The following CLSTN2 variants were observed in gnomAD, a reference collection of about 807,000 sequenced individuals.
CLSTN2 encodes calsyntenin-2.
In CLSTN2, 48 loss-of-function variants were observed where a neutral mutation model predicts 101.2. The ratio of observed to expected loss-of-function variants is 0.47; its 90% CI spans 0.38 to 0.60. The LOEUF is 0.60. CLSTN2 is among the 20% of genes least tolerant of loss of function. The pLI, the probability that CLSTN2 is intolerant of heterozygous loss-of-function variation, is 0.00. For synonymous variants in CLSTN2, 481 were observed against 463.6 expected, an observed-to-expected ratio of 1.04 and a Z score of -0.48; for missense variants, 1,160 against 1,238.2, an observed-to-expected ratio of 0.94 and a Z score of 0.95.
At chr3:140,347,954 G>A (rs1249261528) in intron 2 of CLSTN2, among the ~76,000 whole-genome samples, 1 of 152,208 alleles carries the variant, frequency 6.6e-6, no homozygotes, top group Non-Finnish European at 1.5e-5. Context: ...GGCTAAGCAG[G>A]AAGGATGCTC....
intron 5 of CLSTN2, among the ~76,000 whole-genome samples, chr3:140,424,249 G>T (rs1408782087): frequency 6.6e-6 from 1 of 152,224 alleles, no homozygotes; most frequent in Non-Finnish European, 1.5e-5. Context: ...CGGATCCAGA[G>T]TCTGGGATGT....
chr3:140,097,840 T>C (rs1050855007), intron 1 of CLSTN2, among the ~76,000 whole-genome samples: 1 of 152,230 alleles, frequency 6.6e-6, no homozygotes, highest in Non-Finnish European at 1.5e-5. Context: ...AATGTAATTA[T>C]TTCCCCCAAA....
chr3:140,068,606 A>T (rs907542746), intron 1 of CLSTN2, among the ~76,000 whole-genome samples: 1 of 152,254 alleles, frequency 6.6e-6, no homozygotes, highest in South Asian at 2.1e-4. Context: ...GGCAGGCATC[A>T]GCTGGAAGAT....
At chr3:139,957,976 C>T (rs1454580123) in intron 1 of CLSTN2, among the ~76,000 whole-genome samples, 1 of 152,162 alleles carries the variant, frequency 6.6e-6, no homozygotes, top group African/African-American at 2.4e-5. Context: ...ATTCTCTTTT[C>T]CTGCTGAGTT....
chr3:140,281,258 G>T (rs936270257), intron 2 of CLSTN2, among the ~76,000 whole-genome samples: 7 of 152,204 alleles, frequency 4.6e-5, no homozygotes, highest in Middle Eastern at 3.2e-3. Context: ...CATTTTAACA[G>T]ATATTTACTT....
chr3:140,497,520 C>G (rs1167810874), intron 8 of CLSTN2, among the ~76,000 whole-genome samples: 3 of 152,176 alleles, frequency 2.0e-5, no homozygotes, highest in African/African-American at 7.2e-5. Flanking sequence ...ATGGCGGCCG[C>G]CCCCACCTCA....
chr3:140,167,780 A>G (rs1452150948), intron 1 of CLSTN2, among the ~76,000 whole-genome samples: 1 of 152,198 alleles, frequency 6.6e-6, no homozygotes, highest in Non-Finnish European at 1.5e-5. Flanking sequence ...CTAAAATGTC[A>G]TATGAATGGC....
At chr3:140,295,824 A>G (rs913705726) in intron 2 of CLSTN2, among the ~76,000 whole-genome samples, 3 of 152,102 alleles carry the variant, frequency 2.0e-5, no homozygotes, top group Admixed American at 6.6e-5. Flanking sequence ...GTAAAGTCCT[A>G]TTTCTTAAGG....
intron 9 of CLSTN2, among the ~76,000 whole-genome samples, chr3:140,541,401 T>G (rs144326284): frequency 3.3e-4 from 51 of 152,362 alleles, no homozygotes; most frequent in African/African-American, 1.1e-3. Context: ...ATTCATTTTC[T>G]GTAGGGTGCT....
intron 1 of CLSTN2, among the ~76,000 whole-genome samples, chr3:139,956,463 TGGA>T (rs1414424050): frequency 6.6e-6 from 1 of 152,182 alleles, no homozygotes; most frequent in African/African-American, 2.4e-5. Flanking sequence ...CTTGGGTCGA[TGGA>T]GAACAGAGAA....
intron 2 of CLSTN2, among the ~76,000 whole-genome samples, chr3:140,289,937 G>A (rs1215412339): frequency 6.6e-6 from 1 of 150,644 alleles, no homozygotes; most frequent in Non-Finnish European, 1.5e-5. Flanking sequence ...CTGTTTTCAG[G>A]TAAGAAGCAG....
intron 1 of CLSTN2, among the ~76,000 whole-genome samples, chr3:140,050,877 T>C (rs2007976356): frequency 6.6e-6 from 1 of 152,188 alleles, no homozygotes; most frequent in Non-Finnish European, 1.5e-5. Flanking sequence ...TGGTGCTGAG[T>C]GGGTGCCTCC....
intron 8 of CLSTN2, among the ~76,000 whole-genome samples, chr3:140,520,056 T>A (rs1934995433): frequency 6.6e-6 from 1 of 152,234 alleles, no homozygotes. Context: ...TATTTCTCCT[T>A]CACTTATGAA....
intron 1 of CLSTN2, among the ~76,000 whole-genome samples, chr3:140,002,588 G>T (rs2006865787): frequency 6.6e-6 from 1 of 152,012 alleles, no homozygotes; most frequent in Non-Finnish European, 1.5e-5. Context: ...CTTCATTTTT[G>T]CTTTGGTTGC....
chr3:140,506,647 C>G (rs142709683), intron 8 of CLSTN2: 1 of 150,472 alleles, frequency 6.6e-6, no homozygotes, highest in Admixed American at 6.5e-5. Flanking sequence ...TTGTTGTGCA[C>G]CTACCTCATA....
At chr3:140,099,401 C>G (rs534719831) in intron 1 of CLSTN2, among the ~76,000 whole-genome samples, 1 of 152,094 alleles carries the variant, frequency 6.6e-6, no homozygotes, top group Non-Finnish European at 1.5e-5. Context: ...CTTCACATGG[C>G]CTTCTCTTCT....
intron 2 of CLSTN2, among the ~76,000 whole-genome samples, chr3:140,188,865 C>A (rs562674211): frequency 6.6e-6 from 1 of 152,142 alleles, no homozygotes; most frequent in Non-Finnish European, 1.5e-5. Flanking sequence ...TTACTACAGA[C>A]AAGATACAGA....
At chr3:140,180,718 G>A (rs1049962993) in intron 2 of CLSTN2, among the ~76,000 whole-genome samples, 2 of 152,170 alleles carry the variant, frequency 1.3e-5, no homozygotes, top group Admixed American at 1.3e-4. Context: ...GGACAGGGCT[G>A]CAGAGAATGA....
At chr3:140,042,309 C>G (rs941682552) in intron 1 of CLSTN2, among the ~76,000 whole-genome samples, 6 of 152,184 alleles carry the variant, frequency 3.9e-5, no homozygotes, top group African/African-American at 1.4e-4. Flanking sequence ...GAGTATTGCG[C>G]ATAAATGGAA....
Sources: allele counts gnomAD v4.1 joint callset (sites outside exome capture counted in the v4.1 genomes callset), GRCh38; gene constraint gnomAD v4.1.1; transcripts MANE v1.5; gene names NCBI Gene and HGNC (gene_info 2026-07-23, HGNC 2026-07-21).